The following TTLL11 variants were observed in gnomAD, a reference collection of about 807,000 sequenced individuals.
The protein encoded by TTLL11 is tubulin tyrosine ligase like 11.
Under a neutral mutation model 51.7 loss-of-function variants are expected in TTLL11, and 42 were observed. The observed-to-expected ratio is 0.81, with a 90% CI of 0.64 to 1.05. The LOEUF is 1.05. Ranked by LOEUF, TTLL11 falls within the 50% of genes least tolerant of loss-of-function variation. TTLL11 has a pLI of 0.00. For synonymous variants in TTLL11, 381 were observed against 383.5 expected, an observed-to-expected ratio of 0.99 and a Z score of 0.08; for missense variants, 799 against 940.4, an observed-to-expected ratio of 0.85 and a Z score of 1.97.
chr9:122,037,930 G>A (rs1480599929), intron 2 of TTLL11, among the ~76,000 whole-genome samples: 1 of 152,116 alleles, frequency 6.6e-6, no homozygotes, highest in Non-Finnish European at 1.5e-5. Context: ...TATAACGTAT[G>A]GCTATTGTGT....
chr9:121,840,364 G>C (rs949250453), intron 8 of TTLL11, among the ~76,000 whole-genome samples: 1 of 152,108 alleles, frequency 6.6e-6, no homozygotes, highest in Non-Finnish European at 1.5e-5. Context: ...AGGCTGGAGG[G>C]GGCAAGTGAC....
At chr9:121,823,265 G>GC (rs1351970271) in intron 8 of TTLL11, among the ~76,000 whole-genome samples, 12 of 152,210 alleles carry the variant, frequency 7.9e-5, no homozygotes, top group African/African-American at 2.9e-4. Context: ...CCAGCTCCTG[G>GC]CTGGGCGCAG....
intron 6 of TTLL11, among the ~76,000 whole-genome samples, chr9:121,912,983 T>A (rs547802544): frequency 6.6e-6 from 1 of 152,178 alleles, no homozygotes; most frequent in South Asian, 2.1e-4. Flanking sequence ...AAACCCACAG[T>A]GACTCTGCTG....
intron 4 of TTLL11, among the ~76,000 whole-genome samples, chr9:121,983,461 G>A (rs546531194): frequency 2.6e-5 from 4 of 152,310 alleles, no homozygotes; most frequent in African/African-American, 9.6e-5. Context: ...GGGCTACGCG[G>A]GATCATTTAG....
intron 1 of TTLL11, among the ~76,000 whole-genome samples, chr9:122,079,897 G>T (rs546501795): frequency 3.9e-5 from 6 of 152,272 alleles, no homozygotes; most frequent in Admixed American, 3.9e-4. Context: ...GGAGGCCGAG[G>T]TGGAAGGATC....
chr9:122,069,081 G>A (rs1352775407), intron 1 of TTLL11, among the ~76,000 whole-genome samples: 2 of 152,144 alleles, frequency 1.3e-5, no homozygotes, highest in African/African-American at 4.8e-5. Context: ...GGGCCTACTC[G>A]TTACAACCGT....
intron 6 of TTLL11, among the ~76,000 whole-genome samples, chr9:121,924,130 T>C (rs1840633637): frequency 6.6e-6 from 1 of 152,224 alleles, no homozygotes; most frequent in South Asian, 2.1e-4. Context: ...GTCTCAGGTA[T>C]GTCTTTATCA....
rs145650731 is a variant in TTLL11, at chr9:121,932,351, C to T, written c.1481+41658G>A. Among the ~76,000 whole-genome samples, 13 of 152,320 alleles carry T rather than the reference C, an allele frequency of 8.5e-5. No individual in the cohort carries two copies. The East Asian group carries it at 2.3e-3, about 27-fold the overall frequency. ...AACACTGTATTCTTTGTTGGAGACA[C>T]AGGCTGTGTTTTCTCCTGCACCTGC... On this transcript the variant is annotated intron_variant, in intron 6 of 8. Transcript: ENST00000321582.
At chr9:121,931,071 C>T (rs1840949407) in intron 6 of TTLL11, among the ~76,000 whole-genome samples, 1 of 152,210 alleles carries the variant, frequency 6.6e-6, no homozygotes, top group African/African-American at 2.4e-5. Flanking sequence ...GGTAACATGG[C>T]AAGGTTCAAA....
At chr9:121,885,478 G>A (rs1415099451) in intron 6 of TTLL11, 1 of 152,254 alleles carries the variant, frequency 6.6e-6, no homozygotes, top group Admixed American at 6.5e-5. Flanking sequence ...TTGGACACCT[G>A]TGTGCTAAGC....
intron 6 of TTLL11, among the ~76,000 whole-genome samples, chr9:121,898,254 C>T (rs1228110978): frequency 6.6e-6 from 1 of 152,064 alleles, no homozygotes; most frequent in African/African-American, 2.4e-5. Flanking sequence ...CCACCCCCAC[C>T]CCCACAGAGA....
chr9:121,969,721 T>C (rs1842503999), intron 6 of TTLL11, among the ~76,000 whole-genome samples: 1 of 152,200 alleles, frequency 6.6e-6, no homozygotes, highest in South Asian at 2.1e-4. Context: ...GTGCAAACGC[T>C]AGAAACCCTG....
At chr9:122,061,936 G>A (rs544536127) in intron 1 of TTLL11, among the ~76,000 whole-genome samples, 10 of 152,042 alleles carry the variant, frequency 6.6e-5, no homozygotes, top group East Asian at 1.9e-4. Context: ...GCACCCAGCC[G>A]AATTATCTTT....
intron 6 of TTLL11, among the ~76,000 whole-genome samples, chr9:121,968,518 G>A (rs1842470348): frequency 1.3e-5 from 2 of 152,096 alleles, no homozygotes. Context: ...TAATAACTAA[G>A]CATTGTTTTT....
At chr9:121,862,649 C>T (rs1311473929) in intron 7 of TTLL11, among the ~76,000 whole-genome samples, 1 of 152,342 alleles carries the variant, frequency 6.6e-6, no homozygotes, top group East Asian at 1.9e-4. Flanking sequence ...CAGGTGCACC[C>T]CTGTCCTGGA....
At chr9:121,832,644 GT>G (rs1837054285) in intron 8 of TTLL11, among the ~76,000 whole-genome samples, 1 of 152,156 alleles carries the variant, frequency 6.6e-6, no homozygotes, top group Non-Finnish European at 1.5e-5. Flanking sequence ...TGCTTCGAGA[GT>G]TTTCGAAGAT....
intron 2 of TTLL11, among the ~76,000 whole-genome samples, chr9:122,034,076 ATAAC>A (rs1208972680): frequency 6.6e-6 from 1 of 152,218 alleles, no homozygotes; most frequent in Admixed American, 6.5e-5. Context: ...GAAAGCCTTC[ATAAC>A]TAACTGTAAT....
In TTLL11 at chr9:121,995,150, T is replaced by C. The variant is rs542119419; in HGVS notation, c.694-5380A>G. Among the ~76,000 whole-genome samples, 18 of 152,236 alleles carry C rather than the reference T, an allele frequency of 1.2e-4. 1 individual carries two copies. In the South Asian group the frequency reaches 3.5e-3, roughly 30 times the overall value. On this transcript the variant is annotated intron_variant, in intron 3 of 8. Coordinates refer to ENST00000321582, the MANE Select transcript of TTLL11 (RefSeq NM_001139442.2). This position sits in a 1 kb window ranked among gnomAD's most constrained non-coding sequence, Gnocchi z 4.4. ...TCTGGGGTCGTCAGGCCCCCAAGGA[T>C]GGCCAAGGCCCTCGCAATGGGCCAG...
chr9:122,092,883 G>T lies in TTLL11; in HGVS notation c.266C>A (p.Pro89His), dbSNP rs760468096. The T allele has an allele frequency of 1.4e-5, 22 of 1,569,484 alleles. No homozygotes were observed. In the Middle Eastern group the frequency reaches 6.1e-4, roughly 44 times the overall value. Residue 89 changes from proline (P) to histidine (H), a missense_variant, in exon 1 of 9, where the codon CCC (proline) becomes CAC (histidine). This residue lies in a region of TTLL11 where 166 missense variants were observed against 161.6 expected (regional missense o/e 1.03). Coordinates refer to ENST00000321582, the MANE Select transcript of TTLL11 (RefSeq NM_001139442.2). ...QVLQRPPPTLPPSKPKPVQGL... is the reference protein window; with the variant it reads ...QVLQRPPPTLHPSKPKPVQGL... ...CTGCACCGGCTTCGGCTTGGACGGG[G>T]GCAGCGTGGGCGGCGGCCGCTGAAG...
Sources: allele counts gnomAD v4.1 joint callset (sites outside exome capture counted in the v4.1 genomes callset), GRCh38; gene constraint gnomAD v4.1.1; regional missense constraint gnomAD v4.1.1; non-coding constraint Gnocchi (gnomAD v3.1); transcripts MANE v1.5; gene names NCBI Gene and HGNC (gene_info 2026-07-23, HGNC 2026-07-21).